The following MOV10 variants were observed in gnomAD, a reference collection of about 807,000 sequenced individuals.
The protein encoded by MOV10 is Mov10 RNA helicase, also known as RNA helicase MOV-10.
MOV10 carries 39 observed loss-of-function variants against 108.4 expected under a neutral mutation model. That is an observed-to-expected ratio of 0.36 (90% CI 0.28 to 0.47). The LOEUF (loss-of-function observed/expected upper bound fraction) is 0.47. Ranked by LOEUF, MOV10 falls within the 20% of genes least tolerant of loss-of-function variation. MOV10 has a pLI of 1.00. For missense variants in MOV10, 952 were observed against 1,297.6 expected (o/e 0.73, Z 4.09); for synonymous variants, 490 against 523.1 (o/e 0.94, Z 0.86).
At chr1:112,677,142 A>G (rs950826718) in intron 2 of MOV10, among the ~76,000 whole-genome samples, 2 of 152,226 alleles carry the variant, frequency 1.3e-5, no homozygotes, top group African/African-American at 4.8e-5. Context: ...AAATTTTAGT[A>G]CATAGAGGAG....
Position 112,694,035 on chromosome 1 carries a change from G to C in MOV10, c.1158G>C (p.Glu386Asp). The change falls in exon 8 of 21, where the codon GAG becomes GAC. Residue 386 changes from glutamate (E) to aspartate (D), a missense_variant. Physicochemically the swap from Glu to Asp is conservative, Grantham distance 45. Around this residue, in one of 5 missense-constraint regions of MOV10, gnomAD observed 18 missense variants for 56.7 expected, o/e 0.32. Coordinates refer to ENST00000369645, the MANE Select transcript of MOV10 (RefSeq NM_001321324.2). The surrounding 1 kb of genome is among the most constrained non-coding windows in gnomAD (Gnocchi z 4.1). ...CCCCATAGGTTCCTGGAGTGACTGA[G>C]AGCCGCCCCTCAGTGCTACGGGGCG... ...LLTLEVPGVTESRPSVLRGDH... is the reference protein window; with the variant it reads ...LLTLEVPGVTDSRPSVLRGDH... 2 of 1,614,072 alleles carry C rather than the reference G, an allele frequency of 1.2e-6. No homozygotes were observed. Among genetic ancestry groups the C allele is most frequent in the Non-Finnish European group, 1.7e-6 (2 of 1,180,000 alleles).
chr1:112,676,722 C>T (rs1012398131), intron 2 of MOV10, among the ~76,000 whole-genome samples: 4 of 152,146 alleles, frequency 2.6e-5, no homozygotes, highest in Non-Finnish European at 4.4e-5. Context: ...GGAACTTGAT[C>T]AGATATCAAG....
chr1:112,688,510 C>T (rs1673274272), intron 2 of MOV10: 3 of 1,077,534 alleles, frequency 2.8e-6, no homozygotes, highest in Non-Finnish European at 3.4e-6. Flanking sequence ...CCCACATCCA[C>T]CCCTCTGAAT....
At position 112,694,377 on chromosome 1, in the gene MOV10, G is replaced by A; in HGVS notation, c.1296-76G>A. The A allele has an allele frequency of 6.4e-7, 1 of 1,568,340 alleles. No homozygotes were observed. Among genetic ancestry groups the A allele is most frequent in the Non-Finnish European group, 8.7e-7 (1 of 1,142,934 alleles). On this transcript the variant is annotated intron_variant, in intron 8 of 20. Transcript: ENST00000369645. This position sits in a 1 kb window ranked among gnomAD's most constrained non-coding sequence, Gnocchi z 4.1. The stretch of plus-strand genomic sequence containing the variant: ...GGAAAGAGGGGTTGGGACACTGGTT[G>A]GTGGAGAAAGTTCTGGCCCTTTATT...
chr1:112,700,411 T>C lies in MOV10; in HGVS notation c.2921-5T>C. On this transcript the variant is annotated splice_polypyrimidine_tract_variant and splice_region_variant and intron_variant, in intron 20 of 20. Transcript: ENST00000369645. Reference sequence around the variant, plus strand: ...GAAGACACAGTGTACTTTCTCTCTTTCCAGGGCCCCACAGCCATGACTACC... The same window carrying C: ...GAAGACACAGTGTACTTTCTCTCTTCCCAGGGCCCCACAGCCATGACTACC... 6.2e-7 allele frequency: 1 copy of C among 1,613,558 alleles called. No homozygotes were observed. The highest frequency in any genetic ancestry group is 8.5e-7 in the Non-Finnish European group (1 of 1,179,710).
rs1674558670 is a variant in MOV10, at chr1:112,700,541, GC to G, written c.*36del. Reference sequence around the variant, plus strand: ...CACCCAGCCTTCTCGCACCAGCCAAGCCTTAACTGCCTGCCTGACCCTGAAC... The same window carrying G: ...CACCCAGCCTTCTCGCACCAGCCAAGCTTAACTGCCTGCCTGACCCTGAAC... On this transcript the variant is annotated 3_prime_UTR_variant, in exon 21 of 21. Coordinates refer to ENST00000369645, the MANE Select transcript of MOV10 (RefSeq NM_001321324.2). The G allele has an allele frequency of 1.9e-6, 3 of 1,608,626 alleles. No homozygotes were observed. The highest frequency in any genetic ancestry group is 2.5e-6 in the Non-Finnish European group (3 of 1,177,194).
chr1:112,693,049 C>A, intron 7 of MOV10, 120 bp downstream of exon 7: 1 of 964,030 alleles, frequency 1.0e-6, no homozygotes, highest in Non-Finnish European at 1.5e-6. Context: ...GTTCCCAGGG[C>A]TCCGCAAGAA....
rs879013647 is a variant in MOV10, at chr1:112,694,251, G to A, written c.1295+79G>A. 2.6e-6 allele frequency: 4 copies of A among 1,548,624 alleles called. No homozygotes were observed. Among genetic ancestry groups the A allele is most frequent in the South Asian group, 1.1e-5 (1 of 88,468 alleles). ...CAGGGGAGGAGGAGTGTTTCTCCCT[G>A]AGATAAATGAGACCCCGGGGCAGAG... On this transcript the variant is annotated intron_variant, in intron 8 of 20. Transcript: ENST00000369645. The surrounding 1 kb of genome is among the most constrained non-coding windows in gnomAD (Gnocchi z 4.1).
At chr1:112,678,624 A>G (rs1164744335) in intron 2 of MOV10, among the ~76,000 whole-genome samples, 2 of 152,126 alleles carry the variant, frequency 1.3e-5, no homozygotes, top group East Asian at 3.9e-4. Context: ...TTGAAGGATT[A>G]ATGGGACTTA....
intron 2 of MOV10, among the ~76,000 whole-genome samples, chr1:112,677,129 A>T (rs764464153): frequency 6.6e-6 from 1 of 152,166 alleles, no homozygotes; most frequent in Non-Finnish European, 1.5e-5. Context: ...CTTGAAAGAG[A>T]TAAAATTTTA....
intron 2 of MOV10, among the ~76,000 whole-genome samples, chr1:112,680,788 C>T (rs1672586617): frequency 6.7e-6 from 1 of 150,024 alleles, no homozygotes; most frequent in African/African-American, 2.5e-5. Flanking sequence ...CTGCAACCTC[C>T]ACCTCTCGGG....
intron 6 of MOV10, among the ~76,000 whole-genome samples, chr1:112,692,143 C>T (rs1384312291): frequency 4.6e-5 from 7 of 152,012 alleles, no homozygotes; most frequent in African/African-American, 1.7e-4. Context: ...CAGCCTGGGG[C>T]AACATAGTGA....
chr1:112,693,472 G>C (rs1673769290), intron 7 of MOV10, among the ~76,000 whole-genome samples: 1 of 152,042 alleles, frequency 6.6e-6, no homozygotes, highest in Non-Finnish European at 1.5e-5. Context: ...CGCCGCCCGG[G>C]CTCAAGTGAT....
At position 112,696,749 on chromosome 1, in the gene MOV10, T is replaced by C. The variant is rs1393261338; in HGVS notation, c.2101T>C (p.Ser701Pro). Reference sequence around the variant, plus strand: ...GACCCAGAAGCATGGACTGGGATACTCACTGCTGGAGCGGCTGCTCACCTA... The same window carrying C: ...GACCCAGAAGCATGGACTGGGATACCCACTGCTGGAGCGGCTGCTCACCTA... ...PLTQKHGLGY[S>P]LLERLLTYNS... The change falls in exon 14 of 21, where the codon TCA becomes CCA. Residue 701 changes from serine (S) to proline (P), a missense_variant. By Grantham distance (74) the Ser-to-Pro change is moderately conservative. Around this residue, in one of 5 missense-constraint regions of MOV10, gnomAD observed 453 missense variants for 611.5 expected, o/e 0.74. Transcript: ENST00000369645. 2 of 1,606,304 alleles carry C rather than the reference T, an allele frequency of 1.2e-6. No homozygotes were observed. The highest frequency in any genetic ancestry group is 1.7e-6 in the Non-Finnish European group (2 of 1,176,186).
intron 16 of MOV10, 31 bp downstream of exon 16, chr1:112,698,509 GC>G: frequency 6.2e-7 from 1 of 1,604,844 alleles, no homozygotes. Context: ...CAAGGGTGGG[GC>G]CCCTCCCCCA....
chr1:112,688,491 A>C lies in MOV10; in HGVS notation c.138-444A>C, dbSNP rs552347508. ...TCTGATCCCTTCTCTCCTCACCAAC[A>C]GGCTGGACCCCACATCCACCCCTCT... On this transcript the variant is annotated intron_variant, in intron 2 of 20. Transcript: ENST00000369645. The C allele has an allele frequency of 1.4e-5, 15 of 1,064,552 alleles. No homozygotes were observed. The African/African-American group carries it at 2.5e-4, about 18-fold the overall frequency. The allele number at this position is 1,064,552 out of a possible 1,614,324, so 65.9% of individuals were successfully genotyped here.
In MOV10 at chr1:112,698,311, G is replaced by A. The variant is rs373470360; in HGVS notation, c.2341G>A (p.Val781Ile). The A allele has an allele frequency of 2.0e-5, 32 of 1,613,904 alleles. No homozygotes were observed. Among genetic ancestry groups the A allele is most frequent in the African/African-American group, 1.9e-4 (14 of 74,908 alleles). The change falls in exon 16 of 21, where the codon GTA (valine) becomes ATA (isoleucine). Residue 781 changes from valine to isoleucine, a missense_variant. Coordinates refer to ENST00000369645, the MANE Select transcript of MOV10 (RefSeq NM_001321324.2). ...RQGFPIIFHGVMGKDEREGNS... is the reference protein window; with the variant it reads ...RQGFPIIFHGIMGKDEREGNS... Reference sequence around the variant, plus strand: ...GGGCTTTCCCATCATCTTTCACGGCGTAATGGGCAAAGATGAGCGTGAAGG... The same window carrying A: ...GGGCTTTCCCATCATCTTTCACGGCATAATGGGCAAAGATGAGCGTGAAGG...
chr1:112,685,320 G>C (rs1474081941), intron 2 of MOV10, among the ~76,000 whole-genome samples: 5 of 150,410 alleles, frequency 3.3e-5, no homozygotes. Context: ...TTATTTTATA[G>C]CTGCTGGTTT....
rs779826601 is a variant in MOV10, at chr1:112,700,609, G to T, written c.*102G>T. On this transcript the variant is annotated 3_prime_UTR_variant, in exon 21 of 21. Transcript: ENST00000369645. ...TGCCCCTCCAAGGGACAGGAAGGCT[G>T]GGGGAGGGAGTTTACAACCCAAGCC... 1.3e-5 allele frequency: 20 copies of T among 1,555,180 alleles called. No individual in the cohort carries two copies. The highest frequency in any genetic ancestry group is 1.7e-5 in the Non-Finnish European group (20 of 1,150,206).
Sources: gnomAD v4.1 joint callset for allele counts (sites outside exome capture counted in the v4.1 genomes callset) on GRCh38, gnomAD v4.1.1 for gene constraint, gnomAD v4.1.1 regional missense constraint, Gnocchi (gnomAD v3.1) non-coding constraint, MANE v1.5 for transcripts, NCBI Gene and HGNC (gene_info 2026-07-23, HGNC 2026-07-21) for gene names.